CAD: variants seen among roughly 807,000 people sequenced by gnomAD.
CAD encodes multifunctional protein CAD.
Under a neutral mutation model 237.2 loss-of-function variants are expected in CAD, and 81 were observed. The observed-to-expected ratio is 0.34, with a 90% CI of 0.29 to 0.41. The LOEUF (loss-of-function observed/expected upper bound fraction) is 0.41, where lower values mean the gene tolerates loss of function less well. Ranked by LOEUF, CAD falls within the 10% of genes least tolerant of loss-of-function variation. CAD has a pLI of 1.00. For missense variants in CAD, 2,181 were observed against 2,951.7 expected, an observed-to-expected ratio of 0.74 and a Z score of 6.05; for synonymous variants, 1,196 against 1,162.8, an observed-to-expected ratio of 1.03 and a Z score of -0.58.
In CAD at chr2:27,233,327, T is replaced by A; in HGVS notation, c.3007T>A (p.Tyr1003Asn). 1.9e-6 allele frequency: 3 copies of A among 1,614,178 alleles called. No individual in the cohort carries two copies. Among genetic ancestry groups the A allele is most frequent in the Non-Finnish European group, 2.5e-6 (3 of 1,179,992 alleles). ...TGCAACGTAGGTGGTGATGGACATC[T>A]ATGAGCTCGAGAACCCTGAAGGTGT... is the stretch of plus-strand genomic sequence containing the variant. ...EISFEVVMDIYELENPEGVIL... is the reference protein window; with the variant it reads ...EISFEVVMDINELENPEGVIL... Residue 1003 changes from tyrosine to asparagine, a missense_variant, in exon 20 of 44, where the codon TAT becomes AAT. By Grantham distance (143) the Tyr-to-Asn change is moderately radical. Transcript: ENST00000264705. This position sits in a 1 kb window ranked among gnomAD's most constrained non-coding sequence, Gnocchi z 6.3.
chr2:27,233,158 T>C lies in CAD; in HGVS notation c.2991+18T>C. The stretch of plus-strand genomic sequence containing the variant: ...CTTTTGAGGTGAGGGAGATGGAGGC[T>C]TCCTGGTAGCTTGAGTGGCCAGGGT... On this transcript the variant is annotated intron_variant, in intron 19 of 43. Coordinates refer to ENST00000264705, the MANE Select transcript of CAD (RefSeq NM_004341.5). The surrounding 1 kb of genome is among the most constrained non-coding windows in gnomAD (Gnocchi z 6.3). 1.3e-6 allele frequency: 2 copies of C among 1,582,734 alleles called. No homozygotes were observed. The highest frequency in any genetic ancestry group is 1.7e-6 in the Non-Finnish European group (2 of 1,151,362).
Position 27,240,223 on chromosome 2 carries a change from G to GAA in CAD, c.5497-30_5497-29dup, listed in dbSNP as rs373157465. 2.0e-3 allele frequency: 2,403 copies of GAA among 1,226,028 alleles called. No homozygotes were observed. The highest frequency in any genetic ancestry group is 3.0e-3 in the East Asian group (111 of 37,068). The allele number at this position is 1,226,028 out of a possible 1,614,324, so 75.9% of individuals were successfully genotyped here. On this transcript the variant is annotated intron_variant, in intron 34 of 43. Coordinates refer to ENST00000264705, the MANE Select transcript of CAD (RefSeq NM_004341.5). This position sits in a 1 kb window ranked among gnomAD's most constrained non-coding sequence, Gnocchi z 4.6. ...GACAGAACGAGACTCCGTCTCAAAAGAAAAAAAAAAAAACAACTCTGGGCC... is the reference window on the plus strand; with the variant it reads ...GACAGAACGAGACTCCGTCTCAAAAGAAAAAAAAAAAAAAACAACTCTGGGCC...
Position 27,233,270 on chromosome 2 carries a change from C to T in CAD, c.2992-42C>T, listed in dbSNP as rs1342719371. On this transcript the variant is annotated intron_variant, in intron 19 of 43. Coordinates refer to ENST00000264705, the MANE Select transcript of CAD (RefSeq NM_004341.5). This position sits in a 1 kb window ranked among gnomAD's most constrained non-coding sequence, Gnocchi z 6.3. Reference sequence around the variant, plus strand: ...TGAGCAGGAAGGCTCAGATTCCTGCCCTCTTTTGCTGCCACCACTTGTTTC... The same window carrying T: ...TGAGCAGGAAGGCTCAGATTCCTGCTCTCTTTTGCTGCCACCACTTGTTTC... The T allele has an allele frequency of 1.2e-5, 19 of 1,570,678 alleles. No homozygotes were observed. The highest frequency in any genetic ancestry group is 1.6e-5 in the Non-Finnish European group (18 of 1,141,132).
chr2:27,233,017 A>G lies in CAD; in HGVS notation c.2893-25A>G. 3 of 1,481,168 alleles carry G rather than the reference A, an allele frequency of 2.0e-6. No individual in the cohort carries two copies. Among genetic ancestry groups the G allele is most frequent in the Non-Finnish European group, 2.8e-6 (3 of 1,058,876 alleles). The allele number at this position is 1,481,168 out of a possible 1,614,324, so 91.8% of individuals were successfully genotyped here. On this transcript the variant is annotated intron_variant, in intron 18 of 43. Transcript: ENST00000264705. This position sits in a 1 kb window ranked among gnomAD's most constrained non-coding sequence, Gnocchi z 6.3. ...CGATTTTCCTCCCACCTGACTGCTA[A>G]GTACCCTTCCCCTCCCTCTTGCAGA...
chr2:27,240,224 A>C lies in CAD; in HGVS notation c.5497-41A>C, dbSNP rs773394932. ...ACAGAACGAGACTCCGTCTCAAAAGAAAAAAAAAAAAACAACTCTGGGCCA... is the reference window on the plus strand; with the variant it reads ...ACAGAACGAGACTCCGTCTCAAAAGCAAAAAAAAAAAACAACTCTGGGCCA... On this transcript the variant is annotated intron_variant, in intron 34 of 43. Coordinates refer to ENST00000264705, the MANE Select transcript of CAD (RefSeq NM_004341.5). The surrounding 1 kb of genome is among the most constrained non-coding windows in gnomAD (Gnocchi z 4.6). 45 of 764,898 alleles carry C rather than the reference A, an allele frequency of 5.9e-5. No individual in the cohort carries two copies. The East Asian group carries it at 1.7e-3, about 29-fold the overall frequency. 47.4% of individuals were successfully genotyped at this position (764,898 alleles called of 1,614,324 possible).
At position 27,239,039 on chromosome 2, in the gene CAD, C is replaced by T; in HGVS notation, c.5063-3C>T. 1 of 1,543,982 alleles carries T rather than the reference C, an allele frequency of 6.5e-7. No individual in the cohort carries two copies. The highest frequency in any genetic ancestry group is 8.7e-7 in the Non-Finnish European group (1 of 1,148,466). ...CTGAGGGTAATGGCTTTCTTTCTCCCAGCTCCCCATACCTTGGAGGAGAAG... is the reference window on the plus strand; with the variant it reads ...CTGAGGGTAATGGCTTTCTTTCTCCTAGCTCCCCATACCTTGGAGGAGAAG... On this transcript the variant is annotated splice_region_variant and splice_polypyrimidine_tract_variant and intron_variant, in intron 31 of 43. Coordinates refer to ENST00000264705, the MANE Select transcript of CAD (RefSeq NM_004341.5). This position sits in a 1 kb window ranked among gnomAD's most constrained non-coding sequence, Gnocchi z 4.0.
intron 11 of CAD, 28 bp from the exon 12 acceptor site, chr2:27,225,677 G>A (rs1251157923): frequency 6.5e-7 from 1 of 1,533,238 alleles, no homozygotes; most frequent in Non-Finnish European, 9.0e-7. Flanking sequence ...GAAATAACCT[G>A]TTTGTTCATC....
Position 27,243,690 on chromosome 2 carries a change from G to A in CAD, c.*172G>A, listed in dbSNP as rs1177503992. On this transcript the variant is annotated 3_prime_UTR_variant, in exon 44 of 44. Transcript: ENST00000264705. The stretch of plus-strand genomic sequence containing the variant: ...TCTCTGGCATGGGGGTGGGGCCTCA[G>A]ATGCTGGGGCCCAGTCTGCCCCATC... 4 of 614,332 alleles carry A rather than the reference G, an allele frequency of 6.5e-6. No homozygotes were observed. The East Asian group carries it at 1.1e-4, about 17-fold the overall frequency. 38.1% of individuals were successfully genotyped at this position (614,332 alleles called of 1,614,324 possible).
intron 15 of CAD, among the ~76,000 whole-genome samples, chr2:27,228,329 C>CT (rs1371775804): frequency 6.6e-6 from 1 of 152,198 alleles, no homozygotes; most frequent in African/African-American, 2.4e-5. Flanking sequence ...GAAGCACAGA[C>CT]TTCTATAAAG....
At chr2:27,243,337 G>C in intron 43 of CAD, 45 bp downstream of exon 43, 9 of 1,609,752 alleles carry the variant, frequency 5.6e-6, no homozygotes, top group Non-Finnish European at 7.6e-6. Flanking sequence ...GCTGGTGGAC[G>C]GGAGGAGACT....
Position 27,239,115 on chromosome 2 carries a change from A to G in CAD, c.5136A>G (p.Pro1712=), listed in dbSNP as rs139059404. ...TCCCAGGGTTAGAGACCATGCTGCCACTACTCCTGACGGCTGTAAGCGAGG... is the reference window on the plus strand; with the variant it reads ...TCCCAGGGTTAGAGACCATGCTGCCGCTACTCCTGACGGCTGTAAGCGAGG... The part of the protein sequence containing the change: ...PGFPGLETML[P]LLLTAVSEGR... Residue 1712 remains proline, a synonymous_variant, in exon 32 of 44, where the codon CCA becomes CCG. Transcript: ENST00000264705. The surrounding 1 kb of genome is among the most constrained non-coding windows in gnomAD (Gnocchi z 4.0). 1.4e-4 allele frequency: 227 copies of G among 1,612,564 alleles called. No individual in the cohort carries two copies. The highest frequency in any genetic ancestry group is 1.8e-4 in the Non-Finnish European group (215 of 1,179,234).
chr2:27,241,311 C>T lies in CAD; in HGVS notation c.5809-11C>T. ...CTAGGACCTTTCTAGCTAACTTGGGCTCTTTCTTAGATGTCTCACCTGTTC... is the reference window on the plus strand; with the variant it reads ...CTAGGACCTTTCTAGCTAACTTGGGTTCTTTCTTAGATGTCTCACCTGTTC... On this transcript the variant is annotated splice_polypyrimidine_tract_variant and intron_variant, in intron 37 of 43. Coordinates refer to ENST00000264705, the MANE Select transcript of CAD (RefSeq NM_004341.5). The surrounding 1 kb of genome is among the most constrained non-coding windows in gnomAD (Gnocchi z 4.6). 1.2e-6 allele frequency: 2 copies of T among 1,614,154 alleles called. No homozygotes were observed. The highest frequency in any genetic ancestry group is 1.7e-6 in the Non-Finnish European group (2 of 1,180,014).
In CAD at chr2:27,235,720, C is replaced by A. The variant is rs1675967743; in HGVS notation, c.4074+80C>A. 3 of 1,231,146 alleles carry A rather than the reference C, an allele frequency of 2.4e-6. No homozygotes were observed. The highest frequency in any genetic ancestry group is 2.5e-5 in the South Asian group (2 of 78,540). 76.3% of individuals were successfully genotyped at this position (1,231,146 alleles called of 1,614,324 possible). On this transcript the variant is annotated intron_variant, in intron 25 of 43. Coordinates refer to ENST00000264705, the MANE Select transcript of CAD (RefSeq NM_004341.5). This position sits in a 1 kb window ranked among gnomAD's most constrained non-coding sequence, Gnocchi z 5.2. ...ATACTGCACCAAAGAATTATCTGGG[C>A]TGGGCACGGTGGCATATACCTGTAG...
chr2:27,239,554 T>C lies in CAD; in HGVS notation c.5394+83T>C, dbSNP rs1380124924. ...TCTTCCCTTCCCAGCACATCTACACTGTCCCACTATGTGCACCACTGCCCT... is the reference window on the plus strand; with the variant it reads ...TCTTCCCTTCCCAGCACATCTACACCGTCCCACTATGTGCACCACTGCCCT... On this transcript the variant is annotated intron_variant, in intron 33 of 43. Coordinates refer to ENST00000264705, the MANE Select transcript of CAD (RefSeq NM_004341.5). This position sits in a 1 kb window ranked among gnomAD's most constrained non-coding sequence, Gnocchi z 4.0. 3.2e-6 allele frequency: 5 copies of C among 1,548,652 alleles called. No individual in the cohort carries two copies. The South Asian group carries it at 4.6e-5, about 14-fold the overall frequency.
rs1558545133 is a variant in CAD at position 27,240,998 on chromosome 2, ATCTGGCCTTGG to A, written c.5638+45_5639-48del. 1.2e-6 allele frequency: 2 copies of A among 1,613,936 alleles called. No homozygotes were observed. Among genetic ancestry groups the A allele is most frequent in the Non-Finnish European group, 1.7e-6 (2 of 1,179,922 alleles). ...CACACACTCACCTCGGGGACCTCTGATCTGGCCTTGGTAGGAGGAACCCTCTGACCAGCCTT... is the reference window on the plus strand; with the variant it reads ...CACACACTCACCTCGGGGACCTCTGATAGGAGGAACCCTCTGACCAGCCTT... On this transcript the variant is annotated intron_variant, in intron 36 of 43. Coordinates refer to ENST00000264705, the MANE Select transcript of CAD (RefSeq NM_004341.5). The surrounding 1 kb of genome is among the most constrained non-coding windows in gnomAD (Gnocchi z 4.6).
rs747403944 is a variant in CAD at position 27,217,521 on chromosome 2, G to A, written c.-31G>A. The A allele has an allele frequency of 1.8e-5, 28 of 1,564,872 alleles. No homozygotes were observed. The highest frequency in any genetic ancestry group is 1.8e-4 in the Middle Eastern group (1 of 5,576). On this transcript the variant is annotated 5_prime_UTR_variant, in exon 1 of 44. Coordinates refer to ENST00000264705, the MANE Select transcript of CAD (RefSeq NM_004341.5). ...AGTTTGCAGTCCTTCCCGCTTCTCC[G>A]TACTCGCCCCCGCCTCTGAGCTCCC... is the stretch of plus-strand genomic sequence containing the variant.
In CAD at chr2:27,241,389, TC is replaced by T; in HGVS notation, c.5878del (p.Leu1960Ter). 1 of 1,614,078 alleles carries T rather than the reference TC, an allele frequency of 6.2e-7. No homozygotes were observed. ...GTGCAGAAGGAGCGGAGCCTCGACA[TC>T]CTGAAGGTCAGGATCAGGGCCGGGG... is the stretch of plus-strand genomic sequence containing the variant. The part of the protein sequence containing the change: ...MMVQKERSLD[I>X]LKGKVMASMF... On this transcript the variant is annotated frameshift_variant, in exon 38 of 44. Transcript: ENST00000264705. LOFTEE classifies it high-confidence loss of function. This position sits in a 1 kb window ranked among gnomAD's most constrained non-coding sequence, Gnocchi z 4.6.
In CAD at chr2:27,233,818, T is replaced by A. The variant is rs1675877839; in HGVS notation, c.3399+10T>A. 1 of 1,612,936 alleles carries A rather than the reference T, an allele frequency of 6.2e-7. No homozygotes were observed. Among genetic ancestry groups the A allele is most frequent in the Admixed American group, 1.7e-5 (1 of 60,004 alleles). ...CATCCAGGAGGCTAAGGTGGGAGGC[T>A]GCAGACAGTGAAGTCTCTGAGGGCA... On this transcript the variant is annotated intron_variant, in intron 21 of 43. Coordinates refer to ENST00000264705, the MANE Select transcript of CAD (RefSeq NM_004341.5). The surrounding 1 kb of genome is among the most constrained non-coding windows in gnomAD (Gnocchi z 6.3).
chr2:27,217,459 C>T lies in CAD; in HGVS notation c.-93C>T, dbSNP rs1279322184. The T allele has an allele frequency of 5.3e-6, 6 of 1,133,726 alleles. No individual in the cohort carries two copies. The highest frequency in any genetic ancestry group is 7.8e-6 in the Non-Finnish European group (6 of 769,112). The allele number at this position is 1,133,726 out of a possible 1,614,324, so 70.2% of individuals were successfully genotyped here. ...CGCCCCGCGCCGTTAGCCACGTGGA[C>T]CGACTCCGGCGCGCCGTCCTCACGT... On this transcript the variant is annotated 5_prime_UTR_variant, in exon 1 of 44. Coordinates refer to ENST00000264705, the MANE Select transcript of CAD (RefSeq NM_004341.5).
Sources: gnomAD v4.1 joint callset for allele counts (sites outside exome capture counted in the v4.1 genomes callset) on GRCh38, gnomAD v4.1.1 for gene constraint, Gnocchi (gnomAD v3.1) non-coding constraint, MANE v1.5 for transcripts, NCBI Gene and HGNC (gene_info 2026-07-23, HGNC 2026-07-21) for gene names.